The following IQSEC2 variants were observed in gnomAD, a reference collection of about 807,000 sequenced individuals.
IQSEC2 encodes the protein IQ motif and SEC7 domain-containing protein 2.
A neutral mutation model predicts 74.6 loss-of-function variants in IQSEC2; 6 were observed. The observed-to-expected ratio is 0.08, with a 90% confidence interval of 0.04 to 0.16. The LOEUF is 0.16. Ranked by LOEUF, IQSEC2 falls within the 10% of genes least tolerant of loss-of-function variation. IQSEC2 has a pLI of 1.00. For missense variants in IQSEC2, 734 were observed against 1,306.2 expected, an observed-to-expected ratio of 0.56 and a Z score of 6.75; for synonymous variants, 494 against 544.5, an observed-to-expected ratio of 0.91 and a Z score of 1.29.
At chrX:53,255,360 A>G (rs782219818) in intron 3 of IQSEC2, among the ~76,000 whole-genome samples, 38 of 111,688 alleles carry the variant, frequency 3.4e-4, no homozygotes, top group Non-Finnish European at 6.2e-4. Flanking sequence ...AAGCATAACT[A>G]GAATATGTCT....
chrX:53,320,192 G>A (rs2075415320), intron 1 of IQSEC2, among the ~76,000 whole-genome samples: 1 of 111,512 alleles, frequency 9.0e-6, no homozygotes, highest in Admixed American at 9.4e-5. Context: ...TCCCTCGCTG[G>A]CCGCGGTACC....
chrX:53,248,870 C>T lies in IQSEC2; in HGVS notation c.2310G>A (p.Lys770=). The change falls in exon 6 of 15, where the codon AAG becomes AAA. Residue 770 remains lysine (K), a synonymous_variant. Transcript: ENST00000642864. The stretch of plus-strand genomic sequence containing the variant: ...CCCGCTCGATCAGATACTGGATACC[C>T]TTCTCTGGCTTCCTGCAGAAAGAGG... The part of the protein sequence containing the change: ...GLNLFNKKPE[K]GIQYLIERGF... The T allele has an allele frequency of 1.7e-6, 2 of 1,208,926 alleles. No homozygotes were observed. The highest frequency in any genetic ancestry group is 2.2e-6 in the Non-Finnish European group (2 of 893,975).
At chrX:53,242,433 CAAAAAAAAAAAAA>C (rs138931001) in intron 9 of IQSEC2, among the ~76,000 whole-genome samples, 1 of 36,004 alleles carries the variant, frequency 2.8e-5, no homozygotes, top group Non-Finnish European at 4.9e-5. Flanking sequence ...AACTCCATGT[CAAAAAAAAAAAAA>C]AAAAAAAAAA....
chrX:53,226,176 G>C (rs1346553539), downstream of IQSEC2: 4 of 112,619 alleles, frequency 3.6e-5, no homozygotes, highest in African/African-American at 1.3e-4. Flanking sequence ...GTCCTATCGT[G>C]TGCATGTTCC....
At chrX:53,225,855 G>C, downstream of IQSEC2, 1 of 112,580 alleles carries the variant, frequency 8.9e-6, no homozygotes, top group Non-Finnish European at 1.9e-5. Flanking sequence ...TACAGGTAGA[G>C]AGATGGGGTT....
chrX:53,296,375 T>A (rs1465670126), intron 1 of IQSEC2, among the ~76,000 whole-genome samples: 1 of 110,937 alleles, frequency 9.0e-6, no homozygotes, highest in East Asian at 2.8e-4. Flanking sequence ...GAAGGGCAAC[T>A]ATGAACGGGG....
At position 53,255,780 on chromosome X, in the gene IQSEC2, A is replaced by G. The variant is rs1556864957; in HGVS notation, c.999+20T>C. 5 of 1,210,601 alleles carry G rather than the reference A, an allele frequency of 4.1e-6. No homozygotes were observed. The highest frequency in any genetic ancestry group is 1.1e-6 in the Non-Finnish European group (1 of 894,889). Reference sequence around the variant, plus strand: ...TCTTGCATCCCGACTCCCATTCCCAACCAGATGCCTCTGTTGCACCTTCTT... The same window carrying G: ...TCTTGCATCCCGACTCCCATTCCCAGCCAGATGCCTCTGTTGCACCTTCTT... On this transcript the variant is annotated intron_variant, in intron 3 of 14. Transcript: ENST00000642864.
chrX:53,285,347 C>T (rs2075015328), intron 2 of IQSEC2, among the ~76,000 whole-genome samples: 1 of 112,740 alleles, frequency 8.9e-6, no homozygotes, highest in African/African-American at 3.2e-5. Flanking sequence ...CCCTATCAGC[C>T]ACATTTAGCA....
chrX:53,307,177 C>A (rs2075271212), intron 1 of IQSEC2, among the ~76,000 whole-genome samples: 1 of 110,088 alleles, frequency 9.1e-6, no homozygotes, highest in South Asian at 4.0e-4. Context: ...TAACAACCAA[C>A]TCCCTGCCAG....
At chrX:53,301,765 C>A (rs782593207) in intron 1 of IQSEC2, among the ~76,000 whole-genome samples, 5 of 112,118 alleles carry the variant, frequency 4.5e-5, no homozygotes, top group Non-Finnish European at 9.4e-5. Flanking sequence ...GCAGGCAAGT[C>A]TATAGAGCCT....
intron 1 of IQSEC2, among the ~76,000 whole-genome samples, chrX:53,295,964 C>A (rs1311619603): frequency 1.8e-5 from 2 of 111,428 alleles, no homozygotes; most frequent in Admixed American, 9.5e-5. Context: ...GACTGGTCCT[C>A]AAGCCAGAAT....
chrX:53,281,650 C>A (rs782751898), intron 2 of IQSEC2: 3 of 806,747 alleles, frequency 3.7e-6, no homozygotes, highest in Non-Finnish European at 5.1e-6. Flanking sequence ...AGCTGGGCTG[C>A]GGGCCAGATT....
intron 2 of IQSEC2, among the ~76,000 whole-genome samples, chrX:53,284,566 G>C (rs1350517564): frequency 9.0e-6 from 1 of 111,228 alleles, no homozygotes; most frequent in Non-Finnish European, 1.9e-5. Flanking sequence ...GTGCCCTCTG[G>C]GAACCTGCCT....
At chrX:53,294,988 A>C (rs1263376247) in intron 1 of IQSEC2, among the ~76,000 whole-genome samples, 1 of 110,634 alleles carries the variant, frequency 9.0e-6, no homozygotes, top group African/African-American at 3.3e-5. Context: ...GTGCCTGGCT[A>C]ATTTTTGTGT....
intron 1 of IQSEC2, among the ~76,000 whole-genome samples, chrX:53,293,092 C>T (rs1779537494): frequency 8.9e-6 from 1 of 112,078 alleles, no homozygotes; most frequent in African/African-American, 3.2e-5. Flanking sequence ...GACAGAGATA[C>T]ACACAGGGAG....
At chrX:53,254,204 C>A (rs5933563) in intron 4 of IQSEC2, among the ~76,000 whole-genome samples, 139 of 109,688 alleles carry the variant, frequency 1.3e-3, no homozygotes, top group Non-Finnish European at 2.0e-3. Context: ...GTGTCACATA[C>A]CTGCAATCCC....
At chrX:53,258,328 G>T (rs1178282180) in intron 2 of IQSEC2, among the ~76,000 whole-genome samples, 3 of 111,832 alleles carry the variant, frequency 2.7e-5, no homozygotes, top group African/African-American at 9.8e-5. Flanking sequence ...AGCTATTTGT[G>T]TTCATGACTC....
chrX:53,227,675 G>T, downstream of IQSEC2: 1 of 281,605 alleles, frequency 3.6e-6, no homozygotes, highest in Non-Finnish European at 6.4e-6. Flanking sequence ...GGCCAGAGAA[G>T]GGTGAGGAGA....
intron 1 of IQSEC2, among the ~76,000 whole-genome samples, chrX:53,319,420 C>T (rs1213390264): frequency 1.8e-5 from 2 of 112,038 alleles, no homozygotes; most frequent in Non-Finnish European, 3.8e-5. Context: ...GAGAAAGAGA[C>T]TCAGTCAAGG....
Sources: allele counts gnomAD v4.1 joint callset (sites outside exome capture counted in the v4.1 genomes callset), GRCh38; gene constraint gnomAD v4.1.1; transcripts MANE v1.5; gene names NCBI Gene and HGNC (gene_info 2026-07-23, HGNC 2026-07-21).